The following ADAMTSL1 variants were observed in gnomAD, a reference collection of about 807,000 sequenced individuals.
ADAMTSL1 encodes the protein ADAMTS like 1.
ADAMTSL1 carries 126 observed loss-of-function variants against 201.8 expected under a neutral mutation model. The observed-to-expected ratio is 0.62, with a 90% CI of 0.54 to 0.72. The LOEUF (loss-of-function observed/expected upper bound fraction) is 0.72, where lower values mean the gene tolerates loss of function less well. Ranked by LOEUF, ADAMTSL1 falls within the 30% of genes least tolerant of loss-of-function variation. The pLI, the probability that ADAMTSL1 is intolerant of heterozygous loss-of-function variation, is 0.00. For missense variants in ADAMTSL1, 2,679 were observed against 2,277.8 expected (o/e 1.18, Z -3.59); for synonymous variants, 1,121 against 903.4 (o/e 1.24, Z -4.32).
At chr9:18,720,568 G>A (rs1459127983) in intron 14 of ADAMTSL1, among the ~76,000 whole-genome samples, 1 of 152,182 alleles carries the variant, frequency 6.6e-6, no homozygotes, top group East Asian at 1.9e-4. Context: ...CAGATCACTT[G>A]AGGTCAGGAG....
chr9:17,981,903 T>A lies in ADAMTSL1; in HGVS notation c.87+74981T>A, dbSNP rs551113312. Among the ~76,000 whole-genome samples, 81 of 152,274 alleles carry A rather than the reference T, an allele frequency of 5.3e-4. 3 individuals are homozygous for A. In the South Asian group the frequency reaches 9.1e-3, roughly 17 times the overall value. ...GCTATTTGGGCACCTATTTAGAGTATAAGACTCCCCACCATGGTTGGACTT... is the reference window on the plus strand; with the variant it reads ...GCTATTTGGGCACCTATTTAGAGTAAAAGACTCCCCACCATGGTTGGACTT... On this transcript the variant is annotated intron_variant, in intron 1 of 29. Transcript: ENST00000680146.
chr9:18,650,283 G>A (rs1828149167), intron 7 of ADAMTSL1, among the ~76,000 whole-genome samples: 1 of 152,182 alleles, frequency 6.6e-6, no homozygotes. Flanking sequence ...GATTTTCCAG[G>A]TGCCGTCTGT....
At chr9:18,711,253 C>T (rs537744625) in intron 14 of ADAMTSL1, among the ~76,000 whole-genome samples, 8 of 152,292 alleles carry the variant, frequency 5.3e-5, no homozygotes, top group East Asian at 1.9e-4. Flanking sequence ...CCAAGATGGC[C>T]GAATAGGAAC....
chr9:18,379,423 C>T (rs1837452375), intron 2 of ADAMTSL1, among the ~76,000 whole-genome samples: 4 of 152,168 alleles, frequency 2.6e-5, no homozygotes, highest in African/African-American at 9.7e-5. Context: ...GTTCAGTTTC[C>T]TTGTTCCCAC....
chr9:18,315,096 A>C (rs1208225516), intron 2 of ADAMTSL1, among the ~76,000 whole-genome samples: 3 of 151,732 alleles, frequency 2.0e-5, no homozygotes, highest in Admixed American at 1.3e-4. Context: ...CCCTACCCAC[A>C]TCCTGCTGAT....
intron 2 of ADAMTSL1, among the ~76,000 whole-genome samples, chr9:18,272,020 GTTGT>G (rs1334425729): frequency 1.3e-5 from 2 of 150,996 alleles, no homozygotes; most frequent in South Asian, 2.1e-4. Context: ...TTTTGATGGG[GTTGT>G]TTGTTTTTTT....
chr9:18,585,394 T>A (rs1019395011), intron 4 of ADAMTSL1, among the ~76,000 whole-genome samples: 6 of 152,128 alleles, frequency 3.9e-5, no homozygotes, highest in Non-Finnish European at 7.4e-5. Flanking sequence ...ATAGAAAACA[T>A]TTTCAAATTT....
At chr9:18,626,285 G>A (rs997380590) in intron 5 of ADAMTSL1, among the ~76,000 whole-genome samples, 1 of 152,154 alleles carries the variant, frequency 6.6e-6, no homozygotes, top group Admixed American at 6.6e-5. Flanking sequence ...ACAGGAAATG[G>A]GTATAGGCTG....
chr9:18,870,031 G>A (rs973894691), intron 23 of ADAMTSL1, among the ~76,000 whole-genome samples: 2 of 151,902 alleles, frequency 1.3e-5, no homozygotes, highest in African/African-American at 2.4e-5. Context: ...TGTTAAGATT[G>A]TCTAGTAAAT....
chr9:18,117,998 G>T (rs1193286324), intron 1 of ADAMTSL1, among the ~76,000 whole-genome samples: 1 of 152,028 alleles, frequency 6.6e-6, no homozygotes, highest in Non-Finnish European at 1.5e-5. Flanking sequence ...TTGCAACATT[G>T]TCCTAAATAT....
chr9:18,639,126 A>AT, intron 6 of ADAMTSL1, 128 bp from the exon 7 acceptor site: 1 of 843,022 alleles, frequency 1.2e-6, no homozygotes, highest in East Asian at 2.7e-5. Flanking sequence ...CACAATTTCA[A>AT]TTTTGTCAGC....
chr9:18,700,325 CATT>C (rs551650960), intron 13 of ADAMTSL1, among the ~76,000 whole-genome samples: 129 of 152,048 alleles, frequency 8.5e-4, no homozygotes, highest in African/African-American at 2.9e-3. Context: ...TTTTTGACAT[CATT>C]GAGAGGCATT....
chr9:18,158,498 C>T (rs1481568946), intron 1 of ADAMTSL1, among the ~76,000 whole-genome samples: 2 of 151,874 alleles, frequency 1.3e-5, no homozygotes, highest in Non-Finnish European at 2.9e-5. Flanking sequence ...CATTTAAGCT[C>T]ATTAGAATAG....
chr9:18,167,126 G>C (rs1346458594), intron 2 of ADAMTSL1, among the ~76,000 whole-genome samples: 1 of 151,958 alleles, frequency 6.6e-6, no homozygotes, highest in East Asian at 1.9e-4. Context: ...TAAGATGTTT[G>C]TCAAACGCTT....
intron 23 of ADAMTSL1, among the ~76,000 whole-genome samples, chr9:18,866,749 T>C (rs1408621010): frequency 6.6e-6 from 1 of 152,190 alleles, no homozygotes; most frequent in East Asian, 1.9e-4. Context: ...CCAGCAACAG[T>C]AGCTTAAAGA....
At chr9:18,270,648 G>T (rs1832320983) in intron 2 of ADAMTSL1, among the ~76,000 whole-genome samples, 1 of 152,130 alleles carries the variant, frequency 6.6e-6, no homozygotes, top group South Asian at 2.1e-4. Flanking sequence ...ACACAATTTA[G>T]ATGTAGTAAC....
At chr9:18,463,009 T>C (rs146852053) in intron 2 of ADAMTSL1, among the ~76,000 whole-genome samples, 38 of 151,936 alleles carry the variant, frequency 2.5e-4, no homozygotes, top group Middle Eastern at 6.8e-3. Flanking sequence ...ATTCCAGGCA[T>C]CAGGAAGAGT....
intron 1 of ADAMTSL1, among the ~76,000 whole-genome samples, chr9:18,114,992 T>C (rs1049386918): frequency 1.7e-4 from 26 of 152,172 alleles, no homozygotes; most frequent in Admixed American, 1.2e-3. Flanking sequence ...AATTCGTTAG[T>C]TGTCAATGAT....
intron 2 of ADAMTSL1, among the ~76,000 whole-genome samples, chr9:18,270,294 C>G (rs1832304981): frequency 6.6e-6 from 1 of 152,042 alleles, no homozygotes; most frequent in African/African-American, 2.4e-5. Flanking sequence ...ACTCAGCCCT[C>G]ATGATTTAAT....
Sources: gnomAD v4.1 joint callset for allele counts (sites outside exome capture counted in the v4.1 genomes callset) on GRCh38, gnomAD v4.1.1 for gene constraint, MANE v1.5 for transcripts, NCBI Gene and HGNC (gene_info 2026-07-23, HGNC 2026-07-21) for gene names.